Variants in CPNE8 observed in about 807,000 individuals in gnomAD.
CPNE8 encodes copine-8.
Under a neutral mutation model 81.5 loss-of-function variants are expected in CPNE8, and 45 were observed. The ratio of observed to expected loss-of-function variants is 0.55; its 90% CI spans 0.44 to 0.71. The LOEUF is 0.71. Ranked by LOEUF, CPNE8 falls within the 30% of genes least tolerant of loss-of-function variation. The probability of loss-of-function intolerance (pLI) is 0.00; values close to 1 mark genes in which losing one functional copy is unlikely to be tolerated. For synonymous variants in CPNE8, 252 were observed against 226.3 expected (o/e 1.11, Z -1.02); for missense variants, 594 against 672.1 (o/e 0.88, Z 1.28).
chr12:38,841,312 A>G (rs962682562), intron 4 of CPNE8, among the ~76,000 whole-genome samples: 1 of 152,174 alleles, frequency 6.6e-6, no homozygotes, highest in Non-Finnish European at 1.5e-5. Flanking sequence ...CTCTATAGAG[A>G]TCGAATTTCT....
intron 6 of CPNE8, among the ~76,000 whole-genome samples, chr12:38,798,345 G>C (rs1942557672): frequency 6.6e-6 from 1 of 152,150 alleles, no homozygotes; most frequent in East Asian, 1.9e-4. Flanking sequence ...ACTAACAGCT[G>C]ATCTCTCCGC....
chr12:38,695,223 C>T (rs889911998), intron 14 of CPNE8, among the ~76,000 whole-genome samples: 1 of 152,164 alleles, frequency 6.6e-6, no homozygotes, highest in Non-Finnish European at 1.5e-5. Context: ...TCTTCTACAA[C>T]CAAGGAGTAT....
At chr12:38,708,674 T>A (rs1462366195) in intron 13 of CPNE8, among the ~76,000 whole-genome samples, 1 of 152,196 alleles carries the variant, frequency 6.6e-6, no homozygotes, top group Non-Finnish European at 1.5e-5. Flanking sequence ...TATTTTACCA[T>A]CTTTCCAAAA....
At chr12:38,904,679 G>C (rs1944539365) in intron 1 of CPNE8, among the ~76,000 whole-genome samples, 1 of 152,166 alleles carries the variant, frequency 6.6e-6, no homozygotes, top group South Asian at 2.1e-4. Flanking sequence ...ATATTGGCCA[G>C]GCTGGTCTCG....
intron 11 of CPNE8, among the ~76,000 whole-genome samples, chr12:38,727,607 G>T (rs1395209175): frequency 6.6e-6 from 1 of 152,166 alleles, no homozygotes; most frequent in East Asian, 1.9e-4. Context: ...CTCAAAGCCT[G>T]CTCAGAGGGA....
In CPNE8 at chr12:38,696,857, G is replaced by A. The variant is rs150255634; in HGVS notation, c.962-3019C>T. Among the ~76,000 whole-genome samples, 88 of 152,156 alleles carry A rather than the reference G, an allele frequency of 5.8e-4. 2 individuals are homozygous for A. Among genetic ancestry groups the A allele is most frequent in the South Asian group, 4.2e-3 (20 of 4,810 alleles). The stretch of plus-strand genomic sequence containing the variant: ...GCTCAGGAATTCGAGACCAGCCTAG[G>A]CAACATGGCAAAATCTCGTCTTTAC... On this transcript the variant is annotated intron_variant, in intron 14 of 19. Coordinates refer to ENST00000331366, the MANE Select transcript of CPNE8 (RefSeq NM_153634.3).
At chr12:38,685,455 C>A in intron 16 of CPNE8, 35 bp downstream of exon 16, 2 of 1,603,218 alleles carry the variant, frequency 1.2e-6, no homozygotes, top group East Asian at 2.2e-5. Context: ...TGTTCCAGTA[C>A]ATCAGAATAA....
intron 5 of CPNE8, among the ~76,000 whole-genome samples, chr12:38,831,999 G>A (rs971293795): frequency 1.3e-5 from 2 of 152,130 alleles, no homozygotes; most frequent in Non-Finnish European, 2.9e-5. Context: ...ATATTAATAT[G>A]GAGACACACT....
At chr12:38,801,040 C>T (rs1246699826) in intron 6 of CPNE8, among the ~76,000 whole-genome samples, 4 of 149,396 alleles carry the variant, frequency 2.7e-5, no homozygotes, top group Non-Finnish European at 5.9e-5. Context: ...ATTGGTGTAC[C>T]TGAAAGTGAT....
In CPNE8 at chr12:38,704,830, A is replaced by ATATATGTGTG. The variant is rs779179947; in HGVS notation, c.915-1910_915-1909insCACACATATA. On this transcript the variant is annotated intron_variant, in intron 13 of 19. Transcript: ENST00000331366. Reference sequence around the variant, plus strand: ...CATCTGTGTGTGTATGTATGTGTATATATATATATATATATATATATATAT... The same window carrying ATATATGTGTG: ...CATCTGTGTGTGTATGTATGTGTATATATATGTGTGTATATATATATATATATATATATAT... Among the ~76,000 whole-genome samples, 547 of 64,304 alleles carry ATATATGTGTG rather than the reference A, an allele frequency of 8.5e-3. 30 individuals are homozygous for ATATATGTGTG. The highest frequency in any genetic ancestry group is 0.018 in the African/African-American group (524 of 28,818). The allele number at this position is 64,304 out of a possible 152,430, so 42.2% of individuals were successfully genotyped here.
chr12:38,902,821 A>G (rs975867038), intron 1 of CPNE8, among the ~76,000 whole-genome samples: 2 of 152,218 alleles, frequency 1.3e-5, no homozygotes, highest in Non-Finnish European at 2.9e-5. Flanking sequence ...TATTATAATA[A>G]TAGCTAACAT....
rs1157318873 is a variant in CPNE8, at chr12:38,793,878, CTAATGACATA to C, written c.408-17587_408-17578del. Among the ~76,000 whole-genome samples the C allele has an allele frequency of 5.9e-5, 9 of 152,132 alleles. 1 individual carries two copies. The highest frequency in any genetic ancestry group is 4.1e-4 in the South Asian group (2 of 4,824). ...TGTTACTAGTATAAAGACAAATAGA[CTAATGACATA>C]TAATACAGAGCTCAGAAATACACCC... On this transcript the variant is annotated intron_variant, in intron 6 of 19. Transcript: ENST00000331366.
chr12:38,672,885 A>G (rs75737258), intron 18 of CPNE8, among the ~76,000 whole-genome samples: 1 of 152,174 alleles, frequency 6.6e-6, no homozygotes, highest in South Asian at 2.1e-4. Context: ...CCATGGAAAC[A>G]ATGTCTTTCA....
At chr12:38,800,386 AG>A (rs1942629369) in intron 6 of CPNE8, among the ~76,000 whole-genome samples, 1 of 42,132 alleles carries the variant, frequency 2.4e-5, no homozygotes, top group African/African-American at 5.1e-5. Flanking sequence ...GGCACCCCCC[AG>A]CAGGGGCACA....
At chr12:38,719,821 T>G (rs1940510052) in intron 13 of CPNE8, among the ~76,000 whole-genome samples, 1 of 152,176 alleles carries the variant, frequency 6.6e-6, no homozygotes. Context: ...GGACATTACA[T>G]ACATTTATAA....
intron 18 of CPNE8, among the ~76,000 whole-genome samples, chr12:38,675,429 G>A (rs1939266374): frequency 6.6e-6 from 1 of 152,124 alleles, no homozygotes; most frequent in South Asian, 2.1e-4. Context: ...ATATTATTTT[G>A]AGGTACAAAC....
chr12:38,717,878 A>G (rs540637718), intron 13 of CPNE8, among the ~76,000 whole-genome samples: 6 of 152,108 alleles, frequency 3.9e-5, no homozygotes, highest in Non-Finnish European at 8.8e-5. Flanking sequence ...TAAGCCAGCA[A>G]CAAAACCATC....
At chr12:38,860,993 T>C (rs1289691171) in intron 3 of CPNE8, among the ~76,000 whole-genome samples, 1 of 152,102 alleles carries the variant, frequency 6.6e-6, no homozygotes, top group African/African-American at 2.4e-5. Flanking sequence ...GTAGATATTA[T>C]GTTAAGTGTT....
intron 6 of CPNE8, among the ~76,000 whole-genome samples, chr12:38,784,382 C>G (rs1314357177): frequency 1.3e-5 from 2 of 151,898 alleles, no homozygotes; most frequent in Non-Finnish European, 2.9e-5. Context: ...AAAAAAGCCC[C>G]CAAAGGGCAA....
Sources: allele counts gnomAD v4.1 joint callset (sites outside exome capture counted in the v4.1 genomes callset), GRCh38; gene constraint gnomAD v4.1.1; transcripts MANE v1.5; gene names NCBI Gene and HGNC (gene_info 2026-07-23, HGNC 2026-07-21).